Variants in NHERF1 observed in about 807,000 individuals in gnomAD.
NHERF1 encodes Na(+)/H(+) exchange regulatory cofactor NHE-RF1.
chr17:74,755,633 G>A, the NHERF1 span, among the ~76,000 whole-genome samples: 1 of 152,190 alleles, frequency 6.6e-6, no homozygotes, highest in Non-Finnish European at 1.5e-5. Context: ...TCCGAGACAG[G>A]CTGCAGCCTC....
the NHERF1 span, chr17:74,768,672 C>G: frequency 6.2e-7 from 1 of 1,611,322 alleles, no homozygotes; most frequent in South Asian, 1.1e-5. Context: ...CTGCTGCCAC[C>G]CAGTGACTGG....
At chr17:74,748,630 A>T in the NHERF1 span, 6 of 495,644 alleles carry the variant, frequency 1.2e-5, no homozygotes, top group Admixed American at 3.8e-5. The surrounding 1 kb of genome is among the most constrained non-coding windows in gnomAD (Gnocchi z 4.3). Flanking sequence ...GGACGCTCAG[A>T]CGCCGCGCGG....
At chr17:74,753,695 C>G in the NHERF1 span, among the ~76,000 whole-genome samples, 1 of 148,678 alleles carries the variant, frequency 6.7e-6, no homozygotes, top group Non-Finnish European at 1.5e-5. Context: ...TTGAGACCAG[C>G]CTGGGCAACA....
chr17:74,749,391 G>A, the NHERF1 span: 1 of 1,165,490 alleles, frequency 8.6e-7, no homozygotes, highest in Non-Finnish European at 1.2e-6. The surrounding 1 kb of genome is among the most constrained non-coding windows in gnomAD (Gnocchi z 5.6). Flanking sequence ...TCGTTTTTCT[G>A]AAACTCGAGC....
the NHERF1 span, among the ~76,000 whole-genome samples, chr17:74,756,191 C>T: frequency 6.6e-6 from 1 of 151,674 alleles, no homozygotes. Context: ...TCAAGTGATC[C>T]ACTTGCCTCG....
At chr17:74,748,668 C>T in the NHERF1 span, 8 of 592,686 alleles carry the variant, frequency 1.3e-5, no homozygotes, top group East Asian at 9.0e-5. This position sits in a 1 kb window ranked among gnomAD's most constrained non-coding sequence, Gnocchi z 4.3. Context: ...GGTCCTCTCT[C>T]GGCTCCTCGC....
At chr17:74,758,451 G>A in the NHERF1 span, among the ~76,000 whole-genome samples, 7 of 152,146 alleles carry the variant, frequency 4.6e-5, no homozygotes, top group South Asian at 2.1e-4. The surrounding 1 kb of genome is among the most constrained non-coding windows in gnomAD (Gnocchi z 4.3). Flanking sequence ...GGGTCACCCC[G>A]GCCCAGCTGC....
the NHERF1 span, chr17:74,768,901 C>T: frequency 3.9e-5 from 21 of 539,506 alleles, no homozygotes; most frequent in South Asian, 1.2e-4. Flanking sequence ...CTCATCCTAC[C>T]GGGTGTCCCT....
the NHERF1 span, among the ~76,000 whole-genome samples, chr17:74,756,075 T>C: frequency 6.7e-6 from 1 of 150,030 alleles, no homozygotes; most frequent in African/African-American, 2.5e-5. Flanking sequence ...TGCCTCAGCC[T>C]CCCAAGTAGC....
At chr17:74,749,864 G>A in the NHERF1 span, among the ~76,000 whole-genome samples, 1 of 152,250 alleles carries the variant, frequency 6.6e-6, no homozygotes, top group East Asian at 1.9e-4. The surrounding 1 kb of genome is among the most constrained non-coding windows in gnomAD (Gnocchi z 5.6). Flanking sequence ...CCGGAGTCCT[G>A]TGTGACTTCT....
the NHERF1 span, chr17:74,763,414 C>T: frequency 1.4e-5 from 22 of 1,614,094 alleles, 1 homozygote; most frequent in East Asian, 2.0e-4. Context: ...ACGTGGTGTC[C>T]GCCATCAGGG....
At chr17:74,749,411 G>C in the NHERF1 span, 4 of 974,822 alleles carry the variant, frequency 4.1e-6, no homozygotes, top group Non-Finnish European at 4.4e-6. This position sits in a 1 kb window ranked among gnomAD's most constrained non-coding sequence, Gnocchi z 5.6. Context: ...CTGCGAGGGG[G>C]AGACCGCTTC....
the NHERF1 span, among the ~76,000 whole-genome samples, chr17:74,760,966 G>A: frequency 6.6e-6 from 1 of 152,202 alleles, no homozygotes; most frequent in Non-Finnish European, 1.5e-5. The surrounding 1 kb of genome is among the most constrained non-coding windows in gnomAD (Gnocchi z 4.5). Context: ...GCAGCCAGTG[G>A]CCCTGCACCA....
chr17:74,768,745 T>G, the NHERF1 span: 1 of 1,164,142 alleles, frequency 8.6e-7, no homozygotes, highest in South Asian at 1.3e-5. Context: ...CCTGAATCAA[T>G]GTACAAATCA....
chr17:74,768,981 C>A, the NHERF1 span: 1 of 402,398 alleles, frequency 2.5e-6, no homozygotes, highest in Non-Finnish European at 4.6e-6. Context: ...CGAGAGGGCA[C>A]CCTCCCTTCC....
chr17:74,754,651 G>A, the NHERF1 span, among the ~76,000 whole-genome samples: 1 of 151,828 alleles, frequency 6.6e-6, no homozygotes, highest in African/African-American at 2.4e-5. Flanking sequence ...GCTAATTTTT[G>A]TATTTTTAGT....
At chr17:74,763,228 C>T in the NHERF1 span, 20 of 713,142 alleles carry the variant, frequency 2.8e-5, no homozygotes, top group African/African-American at 3.6e-5. Context: ...GCAGAAATGG[C>T]GGGGGTCAGT....
chr17:74,755,736 C>T, the NHERF1 span, among the ~76,000 whole-genome samples: 3 of 152,068 alleles, frequency 2.0e-5, no homozygotes, highest in Admixed American at 6.6e-5. Flanking sequence ...CTGTGCTGTC[C>T]GGGCAGCAGC....
At chr17:74,748,943 G>A in the NHERF1 span, 26 of 1,605,100 alleles carry the variant, frequency 1.6e-5, no homozygotes, top group South Asian at 2.1e-4. The surrounding 1 kb of genome is among the most constrained non-coding windows in gnomAD (Gnocchi z 4.3). Context: ...CGGGGAGAAG[G>A]GCAAGTTGGG....
Sources: gnomAD v4.1 joint callset for allele counts (sites outside exome capture counted in the v4.1 genomes callset) on GRCh38, gnomAD v4.1.1 for gene constraint, Gnocchi (gnomAD v3.1) non-coding constraint, MANE v1.5 for transcripts, NCBI Gene and HGNC (gene_info 2026-07-23, HGNC 2026-07-21) for gene names.